Variants in TENM3 observed in about 807,000 individuals in gnomAD.
TENM3 encodes teneurin-3.
In TENM3, 63 loss-of-function variants were observed where a neutral mutation model predicts 255.1. The ratio of observed to expected loss-of-function variants is 0.25; its 90% confidence interval spans 0.20 to 0.30. The LOEUF is 0.30. TENM3 is among the 10% of genes least tolerant of loss of function. TENM3 has a pLI of 1.00. For missense variants in TENM3, 2,929 were observed against 3,461.1 expected, an observed-to-expected ratio of 0.85 and a Z score of 3.86; for synonymous variants, 1,306 against 1,322.3, an observed-to-expected ratio of 0.99 and a Z score of 0.27.
chr4:181,634,901 TC>T, the TENM3 span, among the ~76,000 whole-genome samples: 1 of 152,228 alleles, frequency 6.6e-6, no homozygotes. Context: ...GTAAGCATCC[TC>T]CGTATACACT....
At chr4:181,924,930 T>G in the TENM3 span, among the ~76,000 whole-genome samples, 1 of 152,328 alleles carries the variant, frequency 6.6e-6, no homozygotes, top group East Asian at 1.9e-4. Flanking sequence ...ATAAAAATAT[T>G]GCTATAATCT....
the TENM3 span, among the ~76,000 whole-genome samples, chr4:181,556,266 T>A: frequency 6.6e-6 from 1 of 151,892 alleles, no homozygotes; most frequent in Non-Finnish European, 1.5e-5. Flanking sequence ...CTGACAGAAT[T>A]TTTTTTTATA....
the TENM3 span, among the ~76,000 whole-genome samples, chr4:181,534,532 A>G: frequency 6.6e-6 from 1 of 151,574 alleles, no homozygotes. Flanking sequence ...CTGTTCCTGA[A>G]TGTGCTTTCC....
the TENM3 span, among the ~76,000 whole-genome samples, chr4:181,699,724 A>G: frequency 1.3e-5 from 2 of 152,106 alleles, no homozygotes; most frequent in Non-Finnish European, 2.9e-5. Context: ...TCCTTTTGTA[A>G]CAAAACAAAT....
At chr4:182,066,599 A>ATATATAT in the TENM3 span, among the ~76,000 whole-genome samples, 123 of 137,114 alleles carry the variant, frequency 9.0e-4, 1 homozygote, top group South Asian at 9.4e-3. Flanking sequence ...GTAAAAAAAA[A>ATATATAT]ATATATATAT....
intron 12 of TENM3, among the ~76,000 whole-genome samples, chr4:182,709,176 T>A (rs1266590002): frequency 6.6e-6 from 1 of 151,716 alleles, no homozygotes; most frequent in African/African-American, 2.4e-5. Context: ...AGAGTCGGGG[T>A]TTCACCATGT....
At chr4:181,677,991 C>T in the TENM3 span, among the ~76,000 whole-genome samples, 9 of 152,050 alleles carry the variant, frequency 5.9e-5, no homozygotes, top group Non-Finnish European at 1.3e-4. Flanking sequence ...TGGTAGCATC[C>T]GATTTCTTTG....
the TENM3 span, among the ~76,000 whole-genome samples, chr4:181,569,749 A>T: frequency 6.6e-6 from 1 of 152,188 alleles, no homozygotes; most frequent in Admixed American, 6.5e-5. Flanking sequence ...GATGTCAGGA[A>T]CAATAAGAGT....
chr4:182,585,840 A>G (rs1049291021), intron 3 of TENM3, among the ~76,000 whole-genome samples: 4 of 152,232 alleles, frequency 2.6e-5, no homozygotes, highest in Non-Finnish European at 2.9e-5. Flanking sequence ...ATGAAAGACT[A>G]TCTTAGTTAC....
the TENM3 span, among the ~76,000 whole-genome samples, chr4:182,085,729 A>G: frequency 1.3e-5 from 2 of 152,204 alleles, no homozygotes; most frequent in South Asian, 2.1e-4. Context: ...CTGAATGCCC[A>G]TTCTTTAATT....
intron 1 of TENM3, among the ~76,000 whole-genome samples, chr4:182,288,971 T>A (rs994138336): frequency 2.6e-5 from 4 of 152,106 alleles, no homozygotes; most frequent in Non-Finnish European, 4.4e-5. Flanking sequence ...ATGCCTGTAA[T>A]CCCAGCACTT....
intron 3 of TENM3, among the ~76,000 whole-genome samples, chr4:182,589,809 C>T (rs1746422335): frequency 6.6e-6 from 1 of 151,942 alleles, no homozygotes; most frequent in African/African-American, 2.4e-5. Context: ...CCCATCTCTA[C>T]TAAAAATACA....
chr4:181,732,961 C>T, the TENM3 span, among the ~76,000 whole-genome samples: 1 of 152,138 alleles, frequency 6.6e-6, no homozygotes, highest in Non-Finnish European at 1.5e-5. Context: ...CCCGTTGTTG[C>T]TTTATCCATT....
intron 1 of TENM3, among the ~76,000 whole-genome samples, chr4:182,184,324 A>T (rs190054339): frequency 1.1e-4 from 16 of 152,126 alleles, no homozygotes; most frequent in African/African-American, 3.9e-4. Flanking sequence ...GTTACATAGG[A>T]TGTTTCTTTC....
the TENM3 span, among the ~76,000 whole-genome samples, chr4:181,647,682 T>C: frequency 1.3e-5 from 2 of 152,042 alleles, no homozygotes; most frequent in African/African-American, 4.8e-5. Flanking sequence ...ATAGGAGTGA[T>C]GAATATAGAA....
intron 1 of TENM3, among the ~76,000 whole-genome samples, chr4:182,198,876 G>T (rs1753995921): frequency 6.6e-6 from 1 of 152,160 alleles, no homozygotes; most frequent in Non-Finnish European, 1.5e-5. Flanking sequence ...GAAGGAGCTA[G>T]ATGGAAAAGA....
chr4:182,775,156 A>G lies in TENM3; in HGVS notation c.5304+3A>G. 1 of 1,613,590 alleles carries G rather than the reference A, an allele frequency of 6.2e-7. No individual in the cohort carries two copies. The highest frequency in any genetic ancestry group is 1.1e-5 in the South Asian group (1 of 91,072). On this transcript the variant is annotated splice_donor_region_variant and intron_variant, in intron 24 of 27. Transcript: ENST00000511685. ...ATGTCTTTGGCCGCAAGCTCAGGGTACGTACGTGTTGTGGAGCAGGAGATA... is the reference window on the plus strand; with the variant it reads ...ATGTCTTTGGCCGCAAGCTCAGGGTGCGTACGTGTTGTGGAGCAGGAGATA...
chr4:182,332,849 A>G (rs759917263), intron 2 of TENM3, among the ~76,000 whole-genome samples: 2 of 152,178 alleles, frequency 1.3e-5, no homozygotes, highest in Non-Finnish European at 2.9e-5. Context: ...GTAAAATAGA[A>G]AGCACCTATG....
the TENM3 span, among the ~76,000 whole-genome samples, chr4:181,665,216 G>A: frequency 6.6e-6 from 1 of 152,140 alleles, no homozygotes; most frequent in East Asian, 1.9e-4. Flanking sequence ...CTTTTTAACA[G>A]ATACCTGGGA....
Sources: gnomAD v4.1 joint callset for allele counts (sites outside exome capture counted in the v4.1 genomes callset) on GRCh38, gnomAD v4.1.1 for gene constraint, MANE v1.5 for transcripts, NCBI Gene and HGNC (gene_info 2026-07-23, HGNC 2026-07-21) for gene names.